C2CD3: variants seen among roughly 807,000 people sequenced by gnomAD.
C2CD3 encodes the protein C2 domain containing 3 centriole elongation regulator.
Under a neutral mutation model 234.0 loss-of-function variants are expected in C2CD3, and 148 were observed. The observed-to-expected ratio is 0.63, with a 90% CI of 0.55 to 0.72. The LOEUF is 0.72. Among genes scored for constraint, C2CD3 ranks in the 30% least tolerant of loss-of-function variants. The pLI is 0.00. For synonymous variants in C2CD3, 1,000 were observed against 1,035.4 expected (o/e 0.97, Z 0.66); for missense variants, 2,577 against 2,811.5 (o/e 0.92, Z 1.89).
chr11:74,099,502 T>C (rs1231314117), intron 15 of C2CD3, among the ~76,000 whole-genome samples: 1 of 152,186 alleles, frequency 6.6e-6, no homozygotes, highest in Non-Finnish European at 1.5e-5. Flanking sequence ...CTTTGTAAAA[T>C]GTAAAACACA....
At position 74,103,425 on chromosome 11, in the gene C2CD3, G is replaced by A. The variant is rs781372287; in HGVS notation, c.2286C>T (p.Asn762=). Residue 762 remains asparagine, a synonymous_variant, in exon 14 of 33, where the codon AAC becomes AAT. Transcript: ENST00000334126. The part of the protein sequence containing the change: ...IHEETAKKAQ[N]LVLPNRKSPS... Reference sequence around the variant, plus strand: ...GTGACTTTCGGTTGGGGAGCACCAAGTTCTGTGCTTTCTTTGCAGTTTCCT... The same window carrying A: ...GTGACTTTCGGTTGGGGAGCACCAAATTCTGTGCTTTCTTTGCAGTTTCCT... 6.2e-7 allele frequency: 1 copy of A among 1,614,190 alleles called. No homozygotes were observed. Among genetic ancestry groups the A allele is most frequent in the East Asian group, 2.2e-5 (1 of 44,882 alleles).
intron 3 of C2CD3, among the ~76,000 whole-genome samples, chr11:74,150,664 C>T (rs1311843239): frequency 2.0e-5 from 3 of 151,746 alleles, no homozygotes; most frequent in African/African-American, 7.3e-5. Flanking sequence ...CCAAGCCCTG[C>T]TTTGTTACTG....
At chr11:74,076,537 C>T (rs1955049167) in intron 23 of C2CD3, among the ~76,000 whole-genome samples, 1 of 152,206 alleles carries the variant, frequency 6.6e-6, no homozygotes, top group African/African-American at 2.4e-5. Context: ...TATTCAGGAA[C>T]CATTGTGCTA....
chr11:74,129,435 C>T (rs1471538275), intron 7 of C2CD3: 71 of 158,300 alleles, frequency 4.5e-4, no homozygotes, highest in South Asian at 2.2e-3. Flanking sequence ...ACATCCCAGA[C>T]GGGGCGGCGG....
chr11:74,146,747 C>CACACACACACACACACAA (rs58129019), intron 3 of C2CD3, among the ~76,000 whole-genome samples: 2 of 144,112 alleles, frequency 1.4e-5, no homozygotes, highest in Non-Finnish European at 3.1e-5. Context: ...CACACACACA[C>CACACACACACACACACAA]AATTAACATA....
chr11:74,121,538 T>C (rs1024662836), intron 8 of C2CD3, among the ~76,000 whole-genome samples: 7 of 129,520 alleles, frequency 5.4e-5, no homozygotes, highest in Non-Finnish European at 9.4e-5. Flanking sequence ...ACCTGGGAGG[T>C]GGAGGTTGCG....
In C2CD3 at chr11:74,109,116, T is replaced by C; in HGVS notation, c.1880A>G (p.Gln627Arg). 1.3e-6 allele frequency: 2 copies of C among 1,597,000 alleles called. No homozygotes were observed. Among genetic ancestry groups the C allele is most frequent in the South Asian group, 1.1e-5 (1 of 88,754 alleles). The change falls in exon 12 of 33, where the codon CAG (glutamine) becomes CGG (arginine). Residue 627 changes from glutamine to arginine, a missense_variant. By Grantham distance (43) the Gln-to-Arg change is conservative (BLOSUM62 1). Transcript: ENST00000334126. Reference protein sequence around the residue: ...KFQQRFVFPVQFGGPMIEHWW... With the variant: ...KFQQRFVFPVRFGGPMIEHWW... ...GTGCTCTATCATTGGGCCACCAAAC[T>C]GTACTGGAAACACAAATCGCTGCTG...
At chr11:74,036,254 G>A in intron 30 of C2CD3, 1 of 334,886 alleles carries the variant, frequency 3.0e-6, no homozygotes, top group Non-Finnish European at 6.0e-6. Flanking sequence ...CATCTGTTTT[G>A]CTGTCATACT....
intron 30 of C2CD3, chr11:74,034,726 G>A (rs1435736361): frequency 6.0e-6 from 5 of 838,632 alleles, no homozygotes; most frequent in Middle Eastern, 5.8e-4. Flanking sequence ...ATATGATAAG[G>A]CAGGGAAGAT....
At chr11:74,083,329 C>T (rs1417216474) in intron 22 of C2CD3, among the ~76,000 whole-genome samples, 1 of 152,088 alleles carries the variant, frequency 6.6e-6, no homozygotes, top group East Asian at 1.9e-4. Flanking sequence ...GACCTGAAAC[C>T]ATAAAAACCC....
At chr11:74,113,922 T>A (rs753979072) in intron 10 of C2CD3, 30 bp from the exon 11 acceptor site, 1 of 1,295,994 alleles carries the variant, frequency 7.7e-7, no homozygotes. Flanking sequence ...GATTAAAAAC[T>A]AACCAAACAA....
intron 32 of C2CD3, among the ~76,000 whole-genome samples, chr11:74,015,589 T>G (rs1438669243): frequency 6.6e-6 from 1 of 152,198 alleles, no homozygotes; most frequent in Non-Finnish European, 1.5e-5. Flanking sequence ...AGTAGGGAGA[T>G]GTTTGTTTTA....
At chr11:74,044,451 CAAA>C (rs759415122) in intron 28 of C2CD3, among the ~76,000 whole-genome samples, 2 of 124,084 alleles carry the variant, frequency 1.6e-5, no homozygotes, top group Admixed American at 8.3e-5. Context: ...AAGACTGTCT[CAAA>C]AAAAAAAAAA....
chr11:74,080,221 G>T (rs528395853), intron 22 of C2CD3, among the ~76,000 whole-genome samples: 1 of 152,274 alleles, frequency 6.6e-6, no homozygotes, highest in Non-Finnish European at 1.5e-5. Flanking sequence ...TGAGATTTAG[G>T]CTTATTGAGA....
Position 74,054,652 on chromosome 11 carries a change from GAA to G in C2CD3, c.5108_5109del (p.Leu1703ProfsTer14). Reference protein sequence around the residue: ...QQQSRLSKELLLDPQQTLVFK... With the variant: ...QQQSRLSKELXLDPQQTLVFK... ...AAGACCAGGGTTTGTTGTGGGTCCA[GAA>G]GCAGCTCTTTTGATAGCCTATTAAG... On this transcript the variant is annotated frameshift_variant, in exon 26 of 33. Transcript: ENST00000334126. LOFTEE classifies it high-confidence loss of function. The G allele has an allele frequency of 6.2e-7, 1 of 1,612,518 alleles. No individual in the cohort carries two copies. Among genetic ancestry groups the G allele is most frequent in the Non-Finnish European group, 8.5e-7 (1 of 1,179,144 alleles).
intron 31 of C2CD3, among the ~76,000 whole-genome samples, chr11:74,032,336 C>A (rs1359690291): frequency 6.6e-6 from 1 of 152,168 alleles, no homozygotes; most frequent in Non-Finnish European, 1.5e-5. Flanking sequence ...GCCAGCCGTA[C>A]AATATTCCCT....
At position 74,122,994 on chromosome 11, in the gene C2CD3, T is replaced by C. The variant is rs1180536310; in HGVS notation, c.1359A>G (p.Thr453=). ...DQSLLENLFY[T]APKSDTSISD... is the part of the protein sequence containing the mutation. ...TTCAGGTTCAGTGACTTACAGGTGC[T>C]GTATAAAATAAATTCTCCAGAAGAC... Residue 453 remains threonine (T), a synonymous_variant, in exon 8 of 33, where the codon ACA becomes ACG. Coordinates refer to ENST00000334126, the MANE Select transcript of C2CD3 (RefSeq NM_001286577.2). 20 of 1,612,788 alleles carry C rather than the reference T, an allele frequency of 1.2e-5. No homozygotes were observed. Among genetic ancestry groups the C allele is most frequent in the Non-Finnish European group, 1.7e-5 (20 of 1,179,122 alleles).
chr11:74,078,553 A>C lies in C2CD3; in HGVS notation c.4165T>G (p.Phe1389Val). 6.2e-7 allele frequency: 1 copy of C among 1,614,102 alleles called. No homozygotes were observed. The highest frequency in any genetic ancestry group is 8.5e-7 in the Non-Finnish European group (1 of 1,180,004). The change falls in exon 23 of 33, where the codon TTT becomes GTT. Residue 1389 changes from phenylalanine (F) to valine (V), a missense_variant. Physicochemically the swap from Phe to Val is conservative, Grantham distance 50. Coordinates refer to ENST00000334126, the MANE Select transcript of C2CD3 (RefSeq NM_001286577.2). ...LEAAEHLGWS[F>V]ENSLKDFVRM... Reference sequence around the variant, plus strand: ...ACAAAATCTTTCAGGCTGTTCTCAAAGCTCCAGCCCAAATGCTCAGCAGCT... The same window carrying C: ...ACAAAATCTTTCAGGCTGTTCTCAACGCTCCAGCCCAAATGCTCAGCAGCT...
chr11:74,023,715 A>G (rs962932821), intron 32 of C2CD3, among the ~76,000 whole-genome samples: 3 of 151,728 alleles, frequency 2.0e-5, no homozygotes, highest in Non-Finnish European at 4.4e-5. Context: ...CTATGGGATC[A>G]TTGCATTAGC....
Sources: gnomAD v4.1 joint callset for allele counts (sites outside exome capture counted in the v4.1 genomes callset) on GRCh38, gnomAD v4.1.1 for gene constraint, MANE v1.5 for transcripts, NCBI Gene and HGNC (gene_info 2026-07-23, HGNC 2026-07-21) for gene names.